The following STON2 variants were observed in gnomAD, a reference collection of about 807,000 sequenced individuals.
STON2 encodes the protein stonin-2.
A neutral mutation model predicts 65.7 loss-of-function variants in STON2; 29 were observed. The ratio of observed to expected loss-of-function variants is 0.44; its 90% CI spans 0.33 to 0.60. STON2 has a LOEUF of 0.60. Ranked by LOEUF, STON2 falls within the 20% of genes least tolerant of loss-of-function variation. The pLI is 0.03. For synonymous variants in STON2, 404 were observed against 414.2 expected, an observed-to-expected ratio of 0.98 and a Z score of 0.30; for missense variants, 1,054 against 1,118.1, an observed-to-expected ratio of 0.94 and a Z score of 0.82.
intron 4 of STON2, among the ~76,000 whole-genome samples, chr14:81,339,257 C>T (rs189164887): frequency 3.2e-4 from 48 of 152,234 alleles, no homozygotes; most frequent in African/African-American, 6.0e-4. Flanking sequence ...TTGTAATAGA[C>T]GGCAAACTGA....
intron 4 of STON2, among the ~76,000 whole-genome samples, chr14:81,359,421 A>C (rs1006602019): frequency 1.3e-5 from 2 of 152,214 alleles, no homozygotes; most frequent in African/African-American, 4.8e-5. Flanking sequence ...GAACACCTAC[A>C]TCAAAAAATA....
At chr14:81,281,803 A>C (rs988545032) in intron 5 of STON2, among the ~76,000 whole-genome samples, 1 of 152,246 alleles carries the variant, frequency 6.6e-6, no homozygotes, top group Non-Finnish European at 1.5e-5. Flanking sequence ...AATACAAATT[A>C]AACAAGTGTC....
Position 81,261,873 on chromosome 14 carries a change from T to G in STON2, c.*6541A>C. On this transcript the variant is annotated 3_prime_UTR_variant, in exon 8 of 8. Coordinates refer to ENST00000614646, the MANE Select transcript of STON2 (RefSeq NM_001394390.1). ...CACCCTCTTTGATCCTCTTTTTAAA[T>G]CTGTGTGTGGAAGGCAACTGCAATA... 1 of 1,533,812 alleles carries G rather than the reference T, an allele frequency of 6.5e-7. No homozygotes were observed. The highest frequency in any genetic ancestry group is 8.7e-7 in the Non-Finnish European group (1 of 1,146,438).
At chr14:81,370,454 A>G (rs1389564814) in intron 4 of STON2, among the ~76,000 whole-genome samples, 4 of 152,246 alleles carry the variant, frequency 2.6e-5, no homozygotes, top group Admixed American at 2.6e-4. Flanking sequence ...AAGGAGGCAT[A>G]GTGCATTGCC....
chr14:81,401,345 C>G (rs1900603379), upstream of STON2, among the ~76,000 whole-genome samples: 1 of 152,154 alleles, frequency 6.6e-6, no homozygotes, highest in Non-Finnish European at 1.5e-5. Flanking sequence ...TTGTCCCAGA[C>G]CAGACATGGG....
Position 81,277,833 on chromosome 14 carries a change from T to A in STON2, c.1649A>T (p.Asn550Ile). The A allele has an allele frequency of 6.2e-7, 1 of 1,614,218 alleles. No homozygotes were observed. The highest frequency in any genetic ancestry group is 8.5e-7 in the Non-Finnish European group (1 of 1,180,036). Residue 550 changes from asparagine to isoleucine, a missense_variant, in exon 6 of 8, where the codon AAT becomes ATT. Physicochemically the swap from Asn to Ile is moderately radical, Grantham distance 149. Transcript: ENST00000614646. The stretch of plus-strand genomic sequence containing the variant: ...TATCCGCAAGCTGTGGATTCTGCCA[T>A]TCTCATCATAGTTTTGAAGCCGGGG... ...SEPRLQNYDE[N>I]GRIHSLRIDR...
intron 4 of STON2, among the ~76,000 whole-genome samples, chr14:81,358,513 C>T (rs1444872385): frequency 6.6e-6 from 1 of 151,972 alleles, no homozygotes; most frequent in East Asian, 1.9e-4. Context: ...AACCAGAAGG[C>T]AATTAATAAA....
chr14:81,372,308 C>T (rs1188485127), intron 3 of STON2, among the ~76,000 whole-genome samples: 1 of 152,110 alleles, frequency 6.6e-6, no homozygotes, highest in African/African-American at 2.4e-5. Flanking sequence ...AATCCCAGGA[C>T]TTTGGAAAGC....
intron 5 of STON2, among the ~76,000 whole-genome samples, chr14:81,311,315 C>T (rs1896418047): frequency 6.6e-6 from 1 of 152,172 alleles, no homozygotes; most frequent in Non-Finnish European, 1.5e-5. Flanking sequence ...CTCTGCTCTG[C>T]TCGCCTCTCT....
At chr14:81,401,673 A>G (rs1198080528), upstream of STON2, among the ~76,000 whole-genome samples, 1 of 152,252 alleles carries the variant, frequency 6.6e-6, no homozygotes, top group African/African-American at 2.4e-5. Context: ...GTGACTCAGT[A>G]TCAGCAGGAG....
At chr14:81,361,496 C>T (rs550493234) in intron 4 of STON2, among the ~76,000 whole-genome samples, 1 of 152,038 alleles carries the variant, frequency 6.6e-6, no homozygotes, top group East Asian at 1.9e-4. Context: ...ACAAAATCAA[C>T]TCAAAATGGA....
Position 81,292,064 on chromosome 14 carries a change from C to T in STON2, c.743-13325G>A, listed in dbSNP as rs181389079. 6.6e-5 allele frequency among the ~76,000 whole-genome samples: 10 copies of T among 152,314 alleles called. No individual in the cohort carries two copies. The East Asian group carries it at 1.7e-3, about 26-fold the overall frequency. On this transcript the variant is annotated intron_variant, in intron 5 of 7. Transcript: ENST00000614646. ...GGGCAATAATTCAATCTTAAGTGCT[C>T]TAGCTCCCTGGTGACAATGGTAACA...
At chr14:81,357,306 C>T (rs999838855) in intron 4 of STON2, among the ~76,000 whole-genome samples, 2 of 152,014 alleles carry the variant, frequency 1.3e-5, no homozygotes, top group African/African-American at 2.4e-5. Flanking sequence ...AAAATGCTCA[C>T]CATCACTGGC....
At chr14:81,422,415 T>C (rs1901749748) in intron 2 of STON2, among the ~76,000 whole-genome samples, 2 of 152,196 alleles carry the variant, frequency 1.3e-5, no homozygotes, top group Admixed American at 6.5e-5. Context: ...GCCATGCTTC[T>C]TGTACAACCC....
chr14:81,270,902 A>ATTAT (rs1894558258), intron 6 of STON2, 30 bp from the exon 7 acceptor site: 2 of 1,602,358 alleles, frequency 1.2e-6, no homozygotes, highest in Non-Finnish European at 8.5e-7. Context: ...GAGAGATCAG[A>ATTAT]TTATTTGGGG....
At chr14:81,410,974 C>T (rs968180250) in intron 2 of STON2, among the ~76,000 whole-genome samples, 17 of 152,182 alleles carry the variant, frequency 1.1e-4, no homozygotes, top group Non-Finnish European at 1.0e-4. Context: ...ACACATGTCG[C>T]ACTTTGAAAC....
chr14:81,430,673 G>C (rs1321344709), intron 1 of STON2, among the ~76,000 whole-genome samples: 2 of 152,118 alleles, frequency 1.3e-5, no homozygotes, highest in Non-Finnish European at 2.9e-5. Context: ...CTGCATTTCA[G>C]AAAGAGAGCA....
At chr14:81,374,691 A>G in intron 3 of STON2, among the ~76,000 whole-genome samples, 1 of 152,220 alleles carries the variant, frequency 6.6e-6, no homozygotes, top group Non-Finnish European at 1.5e-5. Context: ...AATGGATAAC[A>G]TAGACAAAAA....
At chr14:81,355,942 G>T (rs942301704) in intron 4 of STON2, among the ~76,000 whole-genome samples, 8 of 152,130 alleles carry the variant, frequency 5.3e-5, no homozygotes, top group Non-Finnish European at 8.8e-5. Flanking sequence ...ATACAATCAT[G>T]TCGTCTGCAA....
Sources: allele counts gnomAD v4.1 joint callset (sites outside exome capture counted in the v4.1 genomes callset), GRCh38; gene constraint gnomAD v4.1.1; transcripts MANE v1.5; gene names NCBI Gene and HGNC (gene_info 2026-07-23, HGNC 2026-07-21).